AGBL2: variants seen among roughly 807,000 people sequenced by gnomAD.
The protein encoded by AGBL2 is cytosolic carboxypeptidase 2.
Under a neutral mutation model 103.0 loss-of-function variants are expected in AGBL2, and 87 were observed. That is an observed-to-expected ratio of 0.84 (90% CI 0.71 to 1.01). The LOEUF (loss-of-function observed/expected upper bound fraction) is 1.01. Ranked by LOEUF, AGBL2 falls within the 50% of genes least tolerant of loss-of-function variation. The probability of loss-of-function intolerance (pLI) is 0.00; values close to 1 mark genes in which losing one functional copy is unlikely to be tolerated. For missense variants in AGBL2, 904 were observed against 1,023.5 expected, an observed-to-expected ratio of 0.88 and a Z score of 1.59; for synonymous variants, 335 against 356.7, an observed-to-expected ratio of 0.94 and a Z score of 0.69.
intron 17 of AGBL2, among the ~76,000 whole-genome samples, chr11:47,663,559 T>C (rs1158961950): frequency 6.9e-6 from 1 of 145,728 alleles, no homozygotes; most frequent in Non-Finnish European, 1.5e-5. Context: ...ATAGTATTCT[T>C]TTTTTTTTTT....
At chr11:47,679,058 C>CAAAAAAAAAA in intron 13 of AGBL2, among the ~76,000 whole-genome samples, 46 of 28,196 alleles carry the variant, frequency 1.6e-3, no homozygotes, top group African/African-American at 5.4e-3. Context: ...GACCCTGTCT[C>CAAAAAAAAAA]AAAAAAAAAA....
chr11:47,712,833 T>G (rs918389553), intron 3 of AGBL2, among the ~76,000 whole-genome samples: 2 of 151,772 alleles, frequency 1.3e-5, no homozygotes, highest in Non-Finnish European at 2.9e-5. Context: ...TGAGGTCAGT[T>G]CGAGACCAGC....
intron 8 of AGBL2, among the ~76,000 whole-genome samples, chr11:47,696,131 G>A (rs1031243546): frequency 1.4e-5 from 2 of 146,214 alleles, no homozygotes; most frequent in Admixed American, 6.9e-5. Context: ...AGAAAGTGGA[G>A]GTTGCAGTGC....
At chr11:47,711,602 C>G (rs543325104) in intron 3 of AGBL2, among the ~76,000 whole-genome samples, 1 of 152,340 alleles carries the variant, frequency 6.6e-6, no homozygotes, top group East Asian at 1.9e-4. Flanking sequence ...AGCGCAATCT[C>G]AGCTCACTGC....
rs1408672169 is a variant in AGBL2, at chr11:47,690,296, C to T, written c.1411G>A (p.Val471Ile). Residue 471 changes from valine to isoleucine, a missense_variant, in exon 10 of 19, where the codon GTT (valine) becomes ATT (isoleucine). Transcript: ENST00000525123. ...ATGAAGTCCAAAAAGCCTTTCATAA[C>T]CCAGGAGCCATTACTTTCTCCAGGG... ...VHPGESNGSWVMKGFLDFILS... is the reference protein window; with the variant it reads ...VHPGESNGSWIMKGFLDFILS... 2 of 1,613,694 alleles carry T rather than the reference C, an allele frequency of 1.2e-6. No individual in the cohort carries two copies. The highest frequency in any genetic ancestry group is 2.2e-5 in the East Asian group (1 of 44,894).
At chr11:47,680,480 A>T (rs2097397142) in intron 12 of AGBL2, among the ~76,000 whole-genome samples, 1 of 141,342 alleles carries the variant, frequency 7.1e-6, no homozygotes, top group Non-Finnish European at 1.5e-5. Context: ...AATAAAAAAT[A>T]AAAAAATACC....
In AGBL2 at chr11:47,710,537, T is replaced by C. The variant is rs765044656; in HGVS notation, c.98-26A>G. ...CTAAAAATTGGCAGTTTAATTAAAG[T>C]TGCTGGAAGGCCGACTCATCACTTC... is the stretch of plus-strand genomic sequence containing the variant. On this transcript the variant is annotated intron_variant, in intron 3 of 18. Transcript: ENST00000525123. The C allele has an allele frequency of 7.4e-6, 12 of 1,612,848 alleles. No homozygotes were observed. The East Asian group carries it at 1.3e-4, about 18-fold the overall frequency.
Position 47,714,184 on chromosome 11 carries a change from A to T in AGBL2, c.97+100T>A, listed in dbSNP as rs2097543610. 3 of 840,020 alleles carry T rather than the reference A, an allele frequency of 3.6e-6. No homozygotes were observed. The South Asian group carries it at 4.5e-5, about 12-fold the overall frequency. The allele number at this position is 840,020 out of a possible 1,614,324, so 52.0% of individuals were successfully genotyped here. On this transcript the variant is annotated intron_variant, in intron 3 of 18. Coordinates refer to ENST00000525123, the MANE Select transcript of AGBL2 (RefSeq NM_024783.4). ...GAAAAAGTATTTATTTGTCAATGCA[A>T]ATTATTTATTAGTCTACCCAAGTGC... is the stretch of plus-strand genomic sequence containing the variant.
Position 47,677,237 on chromosome 11 carries a change from A to T in AGBL2, c.2147+34T>A, listed in dbSNP as rs556319229. The T allele has an allele frequency of 1.8e-4, 263 of 1,483,606 alleles. 1 individual carries two copies. In the East Asian group the frequency reaches 2.7e-3, roughly 15 times the overall value. 91.9% of individuals were successfully genotyped at this position (1,483,606 alleles called of 1,614,324 possible). The stretch of plus-strand genomic sequence containing the variant: ...CACCCAGGTTAACAACAAAGTATTT[A>T]AAAAAAAACAAAACTCTGTTTTTTC... On this transcript the variant is annotated intron_variant, in intron 14 of 18. Coordinates refer to ENST00000525123, the MANE Select transcript of AGBL2 (RefSeq NM_024783.4).
At chr11:47,696,081 C>T (rs1217083689) in intron 8 of AGBL2, among the ~76,000 whole-genome samples, 1 of 145,326 alleles carries the variant, frequency 6.9e-6, no homozygotes, top group Admixed American at 6.9e-5. Flanking sequence ...ACCTGTAATC[C>T]CAGCTACCCT....
At position 47,677,280 on chromosome 11, in the gene AGBL2, A is replaced by G. The variant is rs2097379365; in HGVS notation, c.2138T>C (p.Ile713Thr). 1.3e-6 allele frequency: 2 copies of G among 1,592,076 alleles called. No individual in the cohort carries two copies. Among genetic ancestry groups the G allele is most frequent in the Non-Finnish European group, 1.7e-6 (2 of 1,173,204 alleles). The part of the protein sequence containing the change: ...GSWSDISLSD[I>T]ESSTSGSDSS... ...GTTTTTTCTTTGTTACCTGGATTCAATGTCAGACAAAGAGATGTCACTCCA... is the reference window on the plus strand; with the variant it reads ...GTTTTTTCTTTGTTACCTGGATTCAGTGTCAGACAAAGAGATGTCACTCCA... The change falls in exon 14 of 19, where the codon ATT (isoleucine) becomes ACT (threonine). Residue 713 changes from isoleucine (I) to threonine (T), a missense_variant. Physicochemically the swap from Ile to Thr is moderately conservative, Grantham distance 89. Transcript: ENST00000525123.
intron 8 of AGBL2, among the ~76,000 whole-genome samples, chr11:47,694,639 T>C (rs1162004021): frequency 6.6e-6 from 1 of 152,192 alleles, no homozygotes; most frequent in East Asian, 1.9e-4. Context: ...TGCTTTAGCC[T>C]GAGGGAGGCA....
chr11:47,690,588 G>A lies in AGBL2; in HGVS notation c.1119C>T (p.Pro373=). The change falls in exon 10 of 19, where the codon CCC becomes CCT. Residue 373 remains proline, a synonymous_variant. Coordinates refer to ENST00000525123, the MANE Select transcript of AGBL2 (RefSeq NM_024783.4). ...GAATGGTCCACGTGAGACAGTAGAA[G>A]GGCTGCTGCCCATCATCCGTGTTGT... The part of the protein sequence containing the change: ...YKNNTDDGQQ[P]FYCLTWTIQF... The A allele has an allele frequency of 6.2e-7, 1 of 1,614,164 alleles. No individual in the cohort carries two copies.
chr11:47,669,192 T>G (rs2097349835), intron 14 of AGBL2, among the ~76,000 whole-genome samples: 1 of 152,220 alleles, frequency 6.6e-6, no homozygotes, highest in Non-Finnish European at 1.5e-5. Context: ...CTCAGCCTTC[T>G]GAGCAACTGA....
chr11:47,670,205 T>C (rs990109343), intron 14 of AGBL2, among the ~76,000 whole-genome samples: 8 of 152,238 alleles, frequency 5.3e-5, no homozygotes, highest in Admixed American at 5.2e-4. Context: ...CTGGTACCAA[T>C]TCAGAAATCC....
At chr11:47,710,972 C>T in intron 3 of AGBL2, 1 of 390,940 alleles carries the variant, frequency 2.6e-6, no homozygotes, top group Non-Finnish European at 4.9e-6. Context: ...GCATACTGAA[C>T]ACTTTGAATT....
intron 4 of AGBL2, among the ~76,000 whole-genome samples, chr11:47,707,599 G>A (rs568393863): frequency 3.4e-4 from 51 of 152,230 alleles, no homozygotes; most frequent in African/African-American, 1.1e-3. Flanking sequence ...CCCACAACAC[G>A]TGGGAATTTA....
Position 47,660,074 on chromosome 11 carries a change from A to C in AGBL2, c.*99T>G, listed in dbSNP as rs2097324186. On this transcript the variant is annotated 3_prime_UTR_variant, in exon 19 of 19. Coordinates refer to ENST00000525123, the MANE Select transcript of AGBL2 (RefSeq NM_024783.4). ...ATGAGTGCACAACACAGTATACCACAAGTAAATGCAGTTCCCAGTCATACA... is the reference window on the plus strand; with the variant it reads ...ATGAGTGCACAACACAGTATACCACCAGTAAATGCAGTTCCCAGTCATACA... 21 of 1,335,866 alleles carry C rather than the reference A, an allele frequency of 1.6e-5. No individual in the cohort carries two copies. The highest frequency in any genetic ancestry group is 2.3e-5 in the East Asian group (1 of 42,564). The allele number at this position is 1,335,866 out of a possible 1,614,324, so 82.8% of individuals were successfully genotyped here. A position where few individuals can be genotyped will look rare whatever the true frequency, so the allele number is the denominator to read the frequency against.
chr11:47,691,996 C>T, intron 9 of AGBL2, 107 bp downstream of exon 9: 3 of 1,002,982 alleles, frequency 3.0e-6, no homozygotes, highest in Non-Finnish European at 4.2e-6. Flanking sequence ...CATAACTATT[C>T]CCCATCACCT....
Sources: allele counts gnomAD v4.1 joint callset (sites outside exome capture counted in the v4.1 genomes callset), GRCh38; gene constraint gnomAD v4.1.1; transcripts MANE v1.5; gene names NCBI Gene and HGNC (gene_info 2026-07-23, HGNC 2026-07-21).